RYR3: variants seen among roughly 807,000 people sequenced by gnomAD.
The protein encoded by RYR3 is brain ryanodine receptor-calcium release channel.
In RYR3, 207 loss-of-function variants were observed where a neutral mutation model predicts 584.3. That is an observed-to-expected ratio of 0.35 (90% CI 0.32 to 0.40). The LOEUF is 0.40. RYR3 is among the 10% of genes least tolerant of loss of function. The pLI is 1.00. For missense variants in RYR3, 5,616 were observed against 6,089.2 expected (o/e 0.92, Z 2.59); for synonymous variants, 2,416 against 2,248.5 (o/e 1.07, Z -2.11).
chr15:33,848,560 TA>T, intron 94 of RYR3, 139 bp downstream of exon 94: 1 of 866,522 alleles, frequency 1.2e-6, no homozygotes, highest in South Asian at 2.0e-5. Flanking sequence ...GCCTCTTCAA[TA>T]AAGCCACTTA....
chr15:33,364,284 G>T (rs1207203609), intron 1 of RYR3, among the ~76,000 whole-genome samples: 1 of 152,000 alleles, frequency 6.6e-6, no homozygotes, highest in Non-Finnish European at 1.5e-5. Context: ...TCTCTCAGTG[G>T]TTGACATTCC....
chr15:33,391,131 C>T (rs1306806562), intron 1 of RYR3, among the ~76,000 whole-genome samples: 10 of 152,138 alleles, frequency 6.6e-5, no homozygotes, highest in Non-Finnish European at 1.5e-4. Flanking sequence ...CCTCTTTCCC[C>T]TCATCCCTCC....
intron 89 of RYR3, chr15:33,839,805 G>C (rs1181424207): frequency 6.6e-6 from 1 of 152,112 alleles, no homozygotes; most frequent in Non-Finnish European, 1.5e-5. Flanking sequence ...TTCTCTGTAG[G>C]AGAGAACGCT....
At chr15:33,606,643 G>A (rs2059920166) in intron 18 of RYR3, among the ~76,000 whole-genome samples, 1 of 152,170 alleles carries the variant, frequency 6.6e-6, no homozygotes, top group South Asian at 2.1e-4. Flanking sequence ...CTCAGACACT[G>A]TGATCTTCTC....
intron 51 of RYR3, among the ~76,000 whole-genome samples, chr15:33,742,058 G>A (rs748037741): frequency 1.3e-5 from 2 of 152,076 alleles, no homozygotes; most frequent in Admixed American, 6.5e-5. Flanking sequence ...TTGGATTCTC[G>A]CTGTCTAACC....
intron 1 of RYR3, among the ~76,000 whole-genome samples, chr15:33,433,067 C>G (rs945222798): frequency 6.6e-6 from 1 of 152,070 alleles, no homozygotes; most frequent in Non-Finnish European, 1.5e-5. Context: ...GGGTCTTTGA[C>G]TCATGCAAAC....
At chr15:33,526,978 A>G (rs1449721894) in intron 3 of RYR3, among the ~76,000 whole-genome samples, 2 of 152,322 alleles carry the variant, frequency 1.3e-5, no homozygotes, top group Non-Finnish European at 2.9e-5. Context: ...TTGGAAGAGC[A>G]TTTCAGACAG....
chr15:33,675,475 A>G (rs2064118645), intron 38 of RYR3, among the ~76,000 whole-genome samples: 1 of 152,182 alleles, frequency 6.6e-6, no homozygotes, highest in African/African-American at 2.4e-5. Flanking sequence ...CGGCTTAAGG[A>G]CTAAATGATT....
intron 43 of RYR3, among the ~76,000 whole-genome samples, chr15:33,707,663 T>C (rs920659768): frequency 3.3e-5 from 5 of 152,332 alleles, no homozygotes; most frequent in Admixed American, 2.6e-4. Flanking sequence ...CCTTGCCTCC[T>C]AAGAATTTTT....
intron 64 of RYR3, 37 bp from the exon 65 acceptor site, chr15:33,780,174 G>C (rs978503351): frequency 6.2e-7 from 1 of 1,605,972 alleles, no homozygotes; most frequent in African/African-American, 1.3e-5. Flanking sequence ...CCAGCATGTG[G>C]GGGGCCACAC....
At chr15:33,725,154 TAC>T (rs58951939) in intron 45 of RYR3, among the ~76,000 whole-genome samples, 7,701 of 113,696 alleles carry the variant, frequency 0.068, 262 homozygotes, top group East Asian at 0.12. Context: ...TCCAACACCT[TAC>T]ACACACACAC....
Position 33,542,545 on chromosome 15 carries a change from A to C in RYR3, c.647-1077A>C, listed in dbSNP as rs1482636974. 2.6e-5 allele frequency among the ~76,000 whole-genome samples: 4 copies of C among 152,176 alleles called. No homozygotes were observed. In the East Asian group the frequency reaches 7.7e-4, roughly 29 times the overall value. On this transcript the variant is annotated intron_variant, in intron 7 of 103. Transcript: ENST00000634891. ...TTGGAAGGAGACTTCTGAATATTTG[A>C]GGGAATTTTAGAAAAACTTGCCTTG...
intron 3 of RYR3, among the ~76,000 whole-genome samples, chr15:33,513,077 A>C (rs752386345): frequency 2.0e-5 from 3 of 152,196 alleles, no homozygotes; most frequent in Non-Finnish European, 4.4e-5. Context: ...CTTTTAAGAA[A>C]CCTGCTTACT....
At chr15:33,499,098 T>C (rs2051712428) in intron 2 of RYR3, among the ~76,000 whole-genome samples, 1 of 152,046 alleles carries the variant, frequency 6.6e-6, no homozygotes, top group Non-Finnish European at 1.5e-5. Context: ...AACTCCTCCT[T>C]GGCAAGAGTA....
At chr15:33,586,780 T>A (rs2058870615) in intron 16 of RYR3, among the ~76,000 whole-genome samples, 1 of 152,170 alleles carries the variant, frequency 6.6e-6, no homozygotes, top group South Asian at 2.1e-4. Context: ...AAGTTATATC[T>A]CTAAAACACA....
chr15:33,589,540 A>G (rs1287845551), intron 16 of RYR3, among the ~76,000 whole-genome samples: 1 of 152,196 alleles, frequency 6.6e-6, no homozygotes, highest in Non-Finnish European at 1.5e-5. Context: ...TGCCTAGACC[A>G]GTGTCCAGAA....
chr15:33,820,646 G>A (rs2077055696), intron 77 of RYR3, 110 bp from the exon 78 acceptor site: 1 of 905,770 alleles, frequency 1.1e-6, no homozygotes, highest in Non-Finnish European at 1.7e-6. Context: ...CTGAGGTCCT[G>A]AGGTGCCTGT....
intron 24 of RYR3, among the ~76,000 whole-genome samples, chr15:33,633,909 C>G (rs544828490): frequency 6.6e-6 from 1 of 152,320 alleles, no homozygotes; most frequent in South Asian, 2.1e-4. Context: ...GAGGCTATAG[C>G]AACTTAAATC....
intron 1 of RYR3, among the ~76,000 whole-genome samples, chr15:33,411,993 TG>T (rs2141494068): frequency 6.6e-6 from 1 of 152,312 alleles, no homozygotes; most frequent in East Asian, 1.9e-4. Context: ...TTGTCACAGT[TG>T]TCTGTCAAGA....
Sources: allele counts gnomAD v4.1 joint callset (sites outside exome capture counted in the v4.1 genomes callset), GRCh38; gene constraint gnomAD v4.1.1; transcripts MANE v1.5; gene names NCBI Gene and HGNC (gene_info 2026-07-23, HGNC 2026-07-21).